The following WWOX variants were observed in gnomAD, a reference collection of about 807,000 sequenced individuals.
WWOX encodes WW domain-containing oxidoreductase.
WWOX carries 69 observed loss-of-function variants against 46.2 expected under a neutral mutation model. The ratio of observed to expected loss-of-function variants is 1.49; its 90% confidence interval spans 1.23 to 1.82. The LOEUF is 1.82. WWOX is among the 40% of genes most tolerant of loss of function. The pLI is 0.00. For synonymous variants in WWOX, 359 were observed against 202.6 expected, an observed-to-expected ratio of 1.77 and a Z score of -6.56; for missense variants, 919 against 542.6, an observed-to-expected ratio of 1.69 and a Z score of -6.89.
intron 8 of WWOX, among the ~76,000 whole-genome samples, chr16:78,612,398 G>C (rs892825743): frequency 6.6e-6 from 1 of 152,244 alleles, no homozygotes; most frequent in Admixed American, 6.5e-5. Flanking sequence ...GCAGCGTGGC[G>C]TAGGCCTCAG....
intron 8 of WWOX, among the ~76,000 whole-genome samples, chr16:78,766,545 G>A (rs766031671): frequency 6.6e-5 from 10 of 152,174 alleles, no homozygotes; most frequent in Non-Finnish European, 1.5e-4. Context: ...CTGTGATTGT[G>A]CTGTTGCACT....
At chr16:78,769,899 G>T (rs12597882) in intron 8 of WWOX, among the ~76,000 whole-genome samples, 8 of 151,788 alleles carry the variant, frequency 5.3e-5, no homozygotes, top group Admixed American at 5.3e-4. Flanking sequence ...AAAGTAGTTG[G>T]GCGTGTGTGG....
intron 5 of WWOX, among the ~76,000 whole-genome samples, chr16:78,310,741 A>C (rs1485328663): frequency 6.6e-6 from 1 of 152,198 alleles, no homozygotes; most frequent in Admixed American, 6.5e-5. Flanking sequence ...GTAAGAAAGG[A>C]GTTTTACTCA....
intron 5 of WWOX, among the ~76,000 whole-genome samples, chr16:78,373,032 C>T (rs2081731518): frequency 6.6e-6 from 1 of 152,172 alleles, no homozygotes; most frequent in African/African-American, 2.4e-5. Context: ...ACTCCAGAAT[C>T]AATTGACTTT....
intron 4 of WWOX, among the ~76,000 whole-genome samples, chr16:78,136,310 C>T (rs78871420): frequency 0.02 from 3,053 of 152,274 alleles, 115 homozygotes; most frequent in African/African-American, 0.069. Flanking sequence ...CAAGGAAGAA[C>T]GTGTAGCTGG....
chr16:79,126,334 C>G (rs1443724633), intron 8 of WWOX, among the ~76,000 whole-genome samples: 7 of 152,024 alleles, frequency 4.6e-5, no homozygotes, highest in African/African-American at 1.7e-4. Flanking sequence ...GCTCTGTGTC[C>G]CAACTCAAAT....
chr16:78,474,624 G>C lies in WWOX; in HGVS notation c.1056+41872G>C, dbSNP rs1163650738. Among the ~76,000 whole-genome samples, 9 of 152,164 alleles carry C rather than the reference G, an allele frequency of 5.9e-5. No individual in the cohort carries two copies. In the East Asian group the frequency reaches 7.7e-4, roughly 13 times the overall value. On this transcript the variant is annotated intron_variant, in intron 8 of 8. Coordinates refer to ENST00000566780, the MANE Select transcript of WWOX (RefSeq NM_016373.4). ...ATGCTATACAATTCATGCATTTAAAGTGTACAATTCAATGGCTCAGTCTAT... is the reference window on the plus strand; with the variant it reads ...ATGCTATACAATTCATGCATTTAAACTGTACAATTCAATGGCTCAGTCTAT...
At chr16:78,361,539 C>T (rs2081410068) in intron 5 of WWOX, among the ~76,000 whole-genome samples, 2 of 152,082 alleles carry the variant, frequency 1.3e-5, no homozygotes, top group South Asian at 4.2e-4. Context: ...TATGTATTTC[C>T]CTTACTCTTT....
chr16:78,406,695 C>T (rs1179749204), intron 6 of WWOX, among the ~76,000 whole-genome samples: 42 of 150,000 alleles, frequency 2.8e-4, no homozygotes, highest in Admixed American at 2.6e-3. Flanking sequence ...GGCGCAATCT[C>T]GGCTCACTGC....
At chr16:78,293,344 T>C (rs1303524298) in intron 5 of WWOX, among the ~76,000 whole-genome samples, 1 of 152,230 alleles carries the variant, frequency 6.6e-6, no homozygotes, top group Non-Finnish European at 1.5e-5. Context: ...TTGCACTCTC[T>C]CCTGCCAGAT....
chr16:78,559,042 C>T (rs1418588881), intron 8 of WWOX, among the ~76,000 whole-genome samples: 2 of 152,188 alleles, frequency 1.3e-5, no homozygotes, highest in Non-Finnish European at 2.9e-5. Flanking sequence ...CAAGATCTGG[C>T]CGCTACGTGG....
At chr16:78,781,975 A>C (rs11866685) in intron 8 of WWOX, among the ~76,000 whole-genome samples, 7,350 of 152,270 alleles carry the variant, frequency 0.048, 618 homozygotes, top group African/African-American at 0.17. Context: ...GCTGAGGCAG[A>C]GGATTCCAGC....
At chr16:78,122,364 G>A (rs2033138187) in intron 4 of WWOX, among the ~76,000 whole-genome samples, 2 of 151,978 alleles carry the variant, frequency 1.3e-5, no homozygotes, top group Non-Finnish European at 2.9e-5. Flanking sequence ...ACTTTTTTAT[G>A]GTGTCAGCAT....
At chr16:78,328,676 A>C (rs1487842682) in intron 5 of WWOX, among the ~76,000 whole-genome samples, 3 of 152,180 alleles carry the variant, frequency 2.0e-5, no homozygotes, top group Non-Finnish European at 4.4e-5. Context: ...AATACTCTTG[A>C]TAATGCTGAT....
intron 2 of WWOX, among the ~76,000 whole-genome samples, chr16:78,109,421 A>C (rs1246481714): frequency 6.6e-6 from 1 of 152,180 alleles, no homozygotes; most frequent in East Asian, 1.9e-4. Context: ...CTCTAATGTC[A>C]TATGAGGTCA....
chr16:78,291,970 A>T (rs1191894834), intron 5 of WWOX, among the ~76,000 whole-genome samples: 1 of 152,116 alleles, frequency 6.6e-6, no homozygotes, highest in Non-Finnish European at 1.5e-5. Context: ...ATATTGGGTC[A>T]ACCATAAGAT....
chr16:79,188,358 A>G (rs1413727754), intron 8 of WWOX, among the ~76,000 whole-genome samples: 1 of 150,494 alleles, frequency 6.6e-6, no homozygotes, highest in Non-Finnish European at 1.5e-5. Flanking sequence ...GCCAAGACCT[A>G]TTTCCCTTGC....
intron 5 of WWOX, among the ~76,000 whole-genome samples, chr16:78,256,958 T>G (rs1383933353): frequency 6.6e-6 from 1 of 152,080 alleles, no homozygotes; most frequent in Non-Finnish European, 1.5e-5. Context: ...GTCAGACAGG[T>G]CTAGATGCAT....
chr16:78,601,021 T>C (rs1197618904), intron 8 of WWOX, among the ~76,000 whole-genome samples: 2 of 152,134 alleles, frequency 1.3e-5, no homozygotes, highest in Non-Finnish European at 2.9e-5. Flanking sequence ...GCCTGCACCC[T>C]CAACCTCGTT....
Sources: allele counts gnomAD v4.1 joint callset (sites outside exome capture counted in the v4.1 genomes callset), GRCh38; gene constraint gnomAD v4.1.1; transcripts MANE v1.5; gene names NCBI Gene and HGNC (gene_info 2026-07-23, HGNC 2026-07-21).